TRAK1: variants seen among roughly 807,000 people sequenced by gnomAD.
The protein encoded by TRAK1 is trafficking kinesin protein 1.
In TRAK1, 33 loss-of-function variants were observed where a neutral mutation model predicts 92.1. That is an observed-to-expected ratio of 0.36 (90% CI 0.27 to 0.48). The LOEUF (loss-of-function observed/expected upper bound fraction) is 0.48, where lower values mean the gene tolerates loss of function less well. Among genes scored for constraint, TRAK1 ranks in the 20% least tolerant of loss-of-function variants. The probability of loss-of-function intolerance (pLI) is 0.99; values close to 1 mark genes in which losing one functional copy is unlikely to be tolerated. For missense variants in TRAK1, 1,123 were observed against 1,257.9 expected (o/e 0.89, Z 1.62); for synonymous variants, 521 against 517.3 (o/e 1.01, Z -0.10).
intron 2 of TRAK1, among the ~76,000 whole-genome samples, chr3:42,167,918 G>A (rs189881735): frequency 6.6e-6 from 1 of 152,238 alleles, no homozygotes; most frequent in East Asian, 1.9e-4. Context: ...ACCAAGTAAT[G>A]TGTGTCTTAG....
At chr3:42,176,722 A>G in intron 2 of TRAK1, 92 bp from the exon 3 acceptor site, 1 of 1,128,040 alleles carries the variant, frequency 8.9e-7, no homozygotes, top group South Asian at 1.3e-5. Flanking sequence ...TCTAATGTGC[A>G]GGCACAACAT....
intron 13 of TRAK1, among the ~76,000 whole-genome samples, chr3:42,206,139 T>C (rs1474803741): frequency 6.6e-6 from 1 of 152,226 alleles, no homozygotes; most frequent in East Asian, 1.9e-4. Flanking sequence ...TTAATTCTTA[T>C]ACCTTCTTAT....
intron 1 of TRAK1, among the ~76,000 whole-genome samples, chr3:42,069,631 G>A (rs184096466): frequency 9.9e-5 from 15 of 152,210 alleles, no homozygotes; most frequent in African/African-American, 3.1e-4. Flanking sequence ...TCTCTAGAGC[G>A]TCTTTTCTTG....
At chr3:42,132,592 G>GTT (rs1050286446) in intron 2 of TRAK1, among the ~76,000 whole-genome samples, 1 of 151,904 alleles carries the variant, frequency 6.6e-6, no homozygotes, top group African/African-American at 2.4e-5. Flanking sequence ...ATTTTATATT[G>GTT]TTTTTTTCCC....
intron 1 of TRAK1, among the ~76,000 whole-genome samples, chr3:42,033,015 A>G (rs367546107): frequency 6.6e-6 from 1 of 152,196 alleles, no homozygotes; most frequent in East Asian, 1.9e-4. Context: ...TTAGAAATAT[A>G]AATTCTAGGC....
intron 2 of TRAK1, among the ~76,000 whole-genome samples, chr3:42,151,715 C>A (rs1462129721): frequency 6.6e-6 from 1 of 152,198 alleles, no homozygotes; most frequent in Non-Finnish European, 1.5e-5. Flanking sequence ...ACATTTCTAA[C>A]TAGTTGAGTT....
intron 14 of TRAK1, among the ~76,000 whole-genome samples, chr3:42,214,291 C>T (rs945198509): frequency 2.0e-5 from 3 of 152,148 alleles, no homozygotes; most frequent in African/African-American, 7.2e-5. Context: ...CCTAGTGAAG[C>T]ACAGGTGAAG....
In TRAK1 at chr3:42,223,283, G is replaced by C; in HGVS notation, c.2408G>C (p.Ser803Thr). Residue 803 changes from serine (S) to threonine (T), a missense_variant, in exon 16 of 16, where the codon AGC (serine) becomes ACC (threonine). Around this residue, in one of 3 missense-constraint regions of TRAK1, gnomAD observed 401 missense variants for 438.9 expected, o/e 0.91. Transcript: ENST00000327628. This position sits in a 1 kb window ranked among gnomAD's most constrained non-coding sequence, Gnocchi z 6.1. ...SPPSFEFKCT[S>T]PPYDNFLASK... ...CCCTCCTTTGAGTTCAAGTGCACGAGCCCTCCCTACGACAATTTCCTGGCT... is the reference window on the plus strand; with the variant it reads ...CCCTCCTTTGAGTTCAAGTGCACGACCCCTCCCTACGACAATTTCCTGGCT... The C allele has an allele frequency of 2.5e-6, 4 of 1,614,172 alleles. No individual in the cohort carries two copies. The highest frequency in any genetic ancestry group is 1.6e-4 in the Middle Eastern group (1 of 6,062).
upstream of TRAK1, among the ~76,000 whole-genome samples, chr3:42,082,984 C>A (rs1182009156): frequency 6.6e-6 from 1 of 152,176 alleles, no homozygotes; most frequent in Non-Finnish European, 1.5e-5. Context: ...ATGACTCGAT[C>A]CTCTGTTGTG....
chr3:42,075,828 T>G (rs1301183707), intron 1 of TRAK1, among the ~76,000 whole-genome samples: 1 of 152,148 alleles, frequency 6.6e-6, no homozygotes, highest in Admixed American at 6.6e-5. Flanking sequence ...TGCCCATTTT[T>G]AAAATTTTTA....
At chr3:42,018,919 C>T (rs1479789455) in intron 1 of TRAK1, among the ~76,000 whole-genome samples, 1 of 152,092 alleles carries the variant, frequency 6.6e-6, no homozygotes, top group Non-Finnish European at 1.5e-5. Context: ...GTCATGAGAT[C>T]GAGACCATCC....
At chr3:42,199,355 A>G (rs1278040918) in intron 11 of TRAK1, 102 bp downstream of exon 11, 2 of 1,115,068 alleles carry the variant, frequency 1.8e-6, no homozygotes, top group Non-Finnish European at 1.3e-6. Flanking sequence ...ACCGACAGTG[A>G]TTGACTATTG....
At position 42,224,182 on chromosome 3, in the gene TRAK1, C is replaced by T. The variant is rs1710617779; in HGVS notation, c.*445C>T. 1 of 437,638 alleles carries T rather than the reference C, an allele frequency of 2.3e-6. No homozygotes were observed. Among genetic ancestry groups the T allele is most frequent in the East Asian group, 7.2e-5 (1 of 13,820 alleles). The allele number at this position is 437,638 out of a possible 1,614,324, so 27.1% of individuals were successfully genotyped here. On this transcript the variant is annotated 3_prime_UTR_variant, in exon 16 of 16. Transcript: ENST00000327628. ...AACACATCTGGGTGTCATCGGACAC[C>T]TCACCTCGCCCACCCTGTAGGAGCG...
chr3:42,096,413 C>T (rs1049496495), intron 1 of TRAK1, among the ~76,000 whole-genome samples: 1 of 152,048 alleles, frequency 6.6e-6, no homozygotes, highest in Non-Finnish European at 1.5e-5. Flanking sequence ...CCACTACACT[C>T]GGCTAGTTTT....
intron 1 of TRAK1, among the ~76,000 whole-genome samples, chr3:42,057,682 G>C (rs1703254375): frequency 6.6e-6 from 1 of 152,056 alleles, no homozygotes; most frequent in Non-Finnish European, 1.5e-5. Context: ...CTGCTGGAAG[G>C]CGAGCACTGA....
chr3:42,097,412 T>G lies in TRAK1; in HGVS notation c.91+5852T>G, dbSNP rs746389479. 6.5e-4 allele frequency among the ~76,000 whole-genome samples: 99 copies of G among 152,110 alleles called. 1 individual carries two copies. The highest frequency in any genetic ancestry group is 1.1e-3 in the Non-Finnish European group (75 of 68,022). ...GTGTGTTCAGACGATGTGGGAGAAGTGTGTGGGCGCTCACTGTCTGCACCC... is the reference window on the plus strand; with the variant it reads ...GTGTGTTCAGACGATGTGGGAGAAGGGTGTGGGCGCTCACTGTCTGCACCC... On this transcript the variant is annotated intron_variant, in intron 1 of 15. Transcript: ENST00000327628.
At chr3:42,174,647 G>GTATATATA (rs138493698) in intron 2 of TRAK1, among the ~76,000 whole-genome samples, 28 of 146,656 alleles carry the variant, frequency 1.9e-4, no homozygotes, top group African/African-American at 7.0e-4. Context: ...ATTTTTGTGT[G>GTATATATA]TATATATATA....
At chr3:42,108,207 C>A (rs1033697276) in intron 1 of TRAK1, among the ~76,000 whole-genome samples, 1 of 151,958 alleles carries the variant, frequency 6.6e-6, no homozygotes, top group Non-Finnish European at 1.5e-5. Context: ...AAATATGATG[C>A]AGGCTGGGGG....
At chr3:42,176,438 C>T (rs1333010630) in intron 2 of TRAK1, among the ~76,000 whole-genome samples, 2 of 152,178 alleles carry the variant, frequency 1.3e-5, no homozygotes, top group Non-Finnish European at 2.9e-5. Flanking sequence ...ATCCTACAGG[C>T]CTTTCTGATC....
Sources: gnomAD v4.1 joint callset for allele counts (sites outside exome capture counted in the v4.1 genomes callset) on GRCh38, gnomAD v4.1.1 for gene constraint, gnomAD v4.1.1 regional missense constraint, Gnocchi (gnomAD v3.1) non-coding constraint, MANE v1.5 for transcripts, NCBI Gene and HGNC (gene_info 2026-07-23, HGNC 2026-07-21) for gene names.